MAD1L1: variants seen among roughly 807,000 people sequenced by gnomAD.
MAD1L1 encodes mitotic spindle assembly checkpoint protein MAD1.
A neutral mutation model predicts 96.9 loss-of-function variants in MAD1L1; 95 were observed. The ratio of observed to expected loss-of-function variants is 0.98; its 90% confidence interval spans 0.83 to 1.16. The LOEUF is 1.16. Ranked by LOEUF, MAD1L1 falls within the 50% of genes most tolerant of loss-of-function variation. The pLI, the probability that MAD1L1 is intolerant of heterozygous loss-of-function variation, is 0.00. For missense variants in MAD1L1, 1,007 were observed against 954.4 expected, an observed-to-expected ratio of 1.06 and a Z score of -0.73; for synonymous variants, 473 against 396.6, an observed-to-expected ratio of 1.19 and a Z score of -2.29.
At chr7:1,974,641 G>T (rs1780549824) in intron 15 of MAD1L1, among the ~76,000 whole-genome samples, 1 of 152,234 alleles carries the variant, frequency 6.6e-6, no homozygotes, top group Non-Finnish European at 1.5e-5. Context: ...AAAGATTTAA[G>T]AGAGAGAAAA....
intron 17 of MAD1L1, among the ~76,000 whole-genome samples, chr7:1,903,725 A>C (rs1787425857): frequency 6.9e-6 from 1 of 143,952 alleles, no homozygotes; most frequent in Non-Finnish European, 1.5e-5. Context: ...CCAGGCAGCA[A>C]GGATGCAGTG....
intron 18 of MAD1L1, chr7:1,838,799 C>T (rs748116027): frequency 2.5e-5 from 12 of 471,268 alleles, no homozygotes; most frequent in Middle Eastern, 6.5e-4. Flanking sequence ...GAGAAAGGCC[C>T]AGCCACTGAC....
intron 10 of MAD1L1, among the ~76,000 whole-genome samples, chr7:2,153,678 G>T (rs1789688433): frequency 6.6e-6 from 1 of 152,160 alleles, no homozygotes; most frequent in South Asian, 2.1e-4. Flanking sequence ...ACCACCACAT[G>T]ATCCAGCAAT....
rs1255118480 is a variant in MAD1L1, at chr7:2,232,924, GC to G, written c.-243del. The G allele has an allele frequency of 2.0e-5, 3 of 152,238 alleles. No individual in the cohort carries two copies. Among genetic ancestry groups the G allele is most frequent in the Non-Finnish European group, 4.4e-5 (3 of 68,060 alleles). 9.4% of individuals were successfully genotyped at this position (152,238 alleles called of 1,614,324 possible). A position where few individuals can be genotyped will look rare whatever the true frequency, so the allele number is the denominator to read the frequency against. On this transcript the variant is annotated 5_prime_UTR_variant, in exon 1 of 19. It removes the in-frame stop codon of an upstream open reading frame in the 5' UTR. Transcript: ENST00000265854. ...CGCCGCTCGGATCTCCCTCCGCTCC[GC>G]CGGCGCCCATTTATCGCGACACTTG...
At chr7:2,101,557 G>C (rs71525359) in intron 11 of MAD1L1, among the ~76,000 whole-genome samples, 1 of 107,296 alleles carries the variant, frequency 9.3e-6, no homozygotes, top group Admixed American at 9.3e-5. Flanking sequence ...GTGGGTGGCA[G>C]GAGACTGGGG....
intron 18 of MAD1L1, among the ~76,000 whole-genome samples, chr7:1,894,329 G>C (rs1786732518): frequency 6.6e-6 from 1 of 152,208 alleles, no homozygotes; most frequent in Middle Eastern, 3.2e-3. Context: ...GCCTTTGAAA[G>C]CTCCCTAAAT....
intron 18 of MAD1L1, among the ~76,000 whole-genome samples, chr7:1,842,363 AGGCCTGAGGT>A (rs1222522426): frequency 6.6e-6 from 1 of 152,186 alleles, no homozygotes; most frequent in Non-Finnish European, 1.5e-5. Context: ...CCGGCCCTGG[AGGCCTGAGGT>A]GGCCTTGCCT....
intron 12 of MAD1L1, among the ~76,000 whole-genome samples, chr7:2,019,427 C>A (rs1051747605): frequency 1.3e-5 from 2 of 152,228 alleles, no homozygotes; most frequent in Non-Finnish European, 2.9e-5. Context: ...GACAGTCCTG[C>A]GCTCCAATCT....
At chr7:2,016,838 G>A (rs572271862) in intron 12 of MAD1L1, among the ~76,000 whole-genome samples, 7 of 152,398 alleles carry the variant, frequency 4.6e-5, no homozygotes, top group African/African-American at 1.2e-4. Flanking sequence ...TGTTTGCACA[G>A]GAAGGTTTAT....
intron 14 of MAD1L1, among the ~76,000 whole-genome samples, chr7:1,983,081 T>C (rs1350145936): frequency 6.6e-6 from 1 of 152,204 alleles, no homozygotes; most frequent in Non-Finnish European, 1.5e-5. Context: ...GATACACGTA[T>C]GCGCGTGCAT....
At chr7:1,880,895 C>T (rs1785645039) in intron 18 of MAD1L1, among the ~76,000 whole-genome samples, 1 of 152,228 alleles carries the variant, frequency 6.6e-6, no homozygotes, top group South Asian at 2.1e-4. Flanking sequence ...CACTGCAGCC[C>T]CATGGTTCAG....
intron 12 of MAD1L1, among the ~76,000 whole-genome samples, chr7:2,042,974 C>T (rs1473697695): frequency 4.6e-5 from 7 of 152,190 alleles, no homozygotes; most frequent in Middle Eastern, 3.2e-3. Flanking sequence ...AGGCCGACCC[C>T]GTGAAGCTGA....
At chr7:2,010,375 C>T (rs1293974720) in intron 13 of MAD1L1, among the ~76,000 whole-genome samples, 1 of 152,116 alleles carries the variant, frequency 6.6e-6, no homozygotes, top group Non-Finnish European at 1.5e-5. Flanking sequence ...TCCCTGCAAC[C>T]TGAAACGGGG....
At chr7:1,970,748 G>A (rs1296377278) in intron 15 of MAD1L1, among the ~76,000 whole-genome samples, 2 of 152,316 alleles carry the variant, frequency 1.3e-5, no homozygotes, top group East Asian at 1.9e-4. Context: ...GGTGGCATCT[G>A]GTGGGGGAAT....
intron 15 of MAD1L1, among the ~76,000 whole-genome samples, chr7:1,976,026 C>T (rs1280246484): frequency 6.6e-6 from 1 of 152,064 alleles, no homozygotes; most frequent in Non-Finnish European, 1.5e-5. Context: ...TCAGCTGCTG[C>T]CTCTTAAAAA....
intron 16 of MAD1L1, among the ~76,000 whole-genome samples, chr7:1,950,993 G>C (rs147306131): frequency 1.3e-5 from 2 of 152,382 alleles, no homozygotes; most frequent in East Asian, 1.9e-4. Flanking sequence ...CCTGGGAGGA[G>C]GAGGCGGGGG....
At chr7:1,949,090 C>T (rs1018791486) in intron 16 of MAD1L1, among the ~76,000 whole-genome samples, 1 of 152,186 alleles carries the variant, frequency 6.6e-6, no homozygotes, top group Non-Finnish European at 1.5e-5. Context: ...GGCAACGCTG[C>T]CCGGGCCCTG....
Position 1,898,476 on chromosome 7 carries a change from C to A in MAD1L1, c.1808-86G>T, listed in dbSNP as rs190743105. 3.3e-6 allele frequency: 4 copies of A among 1,209,718 alleles called. No individual in the cohort carries two copies. The East Asian group carries it at 7.3e-5, about 22-fold the overall frequency. The allele number at this position is 1,209,718 out of a possible 1,614,324, so 74.9% of individuals were successfully genotyped here. A position where few individuals can be genotyped will look rare whatever the true frequency, so the allele number is the denominator to read the frequency against. On this transcript the variant is annotated intron_variant, in intron 17 of 18. Transcript: ENST00000265854. ...GGAGCGGCCAGGGCAGGGAGGAAGC[C>A]GAGTACAGGTGGGAGTGGCGGCTGC...
chr7:2,150,497 G>A lies in MAD1L1; in HGVS notation c.987-1259C>T, dbSNP rs530862422. Among the ~76,000 whole-genome samples, 12 of 152,056 alleles carry A rather than the reference G, an allele frequency of 7.9e-5. No individual in the cohort carries two copies. In the South Asian group the frequency reaches 1.9e-3, roughly 24 times the overall value. ...CCAGCGCTCACACAGCCCCTCCCCCGGTCTTCCAGCACCCAGCTCCTCCTC... is the reference window on the plus strand; with the variant it reads ...CCAGCGCTCACACAGCCCCTCCCCCAGTCTTCCAGCACCCAGCTCCTCCTC... On this transcript the variant is annotated intron_variant, in intron 10 of 18. Transcript: ENST00000265854.
Sources: gnomAD v4.1 joint callset for allele counts (sites outside exome capture counted in the v4.1 genomes callset) on GRCh38, gnomAD v4.1.1 for gene constraint, MANE v1.5 for transcripts, NCBI Gene and HGNC (gene_info 2026-07-23, HGNC 2026-07-21) for gene names.